The following RBMS3 variants were observed in gnomAD, a reference collection of about 807,000 sequenced individuals.
RBMS3 encodes RNA-binding motif, single-stranded-interacting protein 3.
Under a neutral mutation model 66.8 loss-of-function variants are expected in RBMS3, and 27 were observed. That is an observed-to-expected ratio of 0.40 (90% CI 0.30 to 0.56). The LOEUF (loss-of-function observed/expected upper bound fraction) is 0.56, where lower values mean the gene tolerates loss of function less well. Ranked by LOEUF, RBMS3 falls within the 20% of genes least tolerant of loss-of-function variation. The probability of loss-of-function intolerance (pLI) is 0.40; values close to 1 mark genes in which losing one functional copy is unlikely to be tolerated. For missense variants in RBMS3, 513 were observed against 549.5 expected (o/e 0.93, Z 0.66); for synonymous variants, 188 against 183.0 (o/e 1.03, Z -0.22).
At chr3:29,589,047 T>C (rs1263939722) in intron 4 of RBMS3, among the ~76,000 whole-genome samples, 2 of 152,122 alleles carry the variant, frequency 1.3e-5, no homozygotes, top group Non-Finnish European at 2.9e-5. Flanking sequence ...ATCTCCACCA[T>C]TTCAAATGTC....
intron 1 of RBMS3, among the ~76,000 whole-genome samples, chr3:29,399,467 GC>G (rs66482373): frequency 0.17 from 26,229 of 152,136 alleles, 2,771 homozygotes; most frequent in Non-Finnish European, 0.24. Context: ...AGGTTTATTT[GC>G]CTTTTAGAAA....
chr3:29,980,081 T>G (rs1260439367), intron 12 of RBMS3, among the ~76,000 whole-genome samples: 1 of 152,194 alleles, frequency 6.6e-6, no homozygotes, highest in Non-Finnish European at 1.5e-5. Context: ...TTTCTCCACA[T>G]CCTCTCTAGC....
intron 1 of RBMS3, among the ~76,000 whole-genome samples, chr3:29,358,672 C>T (rs1035468731): frequency 6.6e-6 from 1 of 152,158 alleles, no homozygotes; most frequent in African/African-American, 2.4e-5. Context: ...TTCTTCCTAT[C>T]CATGAACATG....
chr3:29,924,365 A>T (rs2060874135), intron 10 of RBMS3, among the ~76,000 whole-genome samples: 1 of 152,174 alleles, frequency 6.6e-6, no homozygotes, highest in Non-Finnish European at 1.5e-5. Flanking sequence ...TGTTTTTAGA[A>T]GGGTTTTCTT....
chr3:29,411,252 A>G (rs2040254269), intron 1 of RBMS3, among the ~76,000 whole-genome samples: 1 of 152,214 alleles, frequency 6.6e-6, no homozygotes, highest in African/African-American at 2.4e-5. Flanking sequence ...CATAAAAGTA[A>G]TGGTAATCTC....
intron 4 of RBMS3, among the ~76,000 whole-genome samples, chr3:29,722,326 A>T (rs537835632): frequency 6.6e-6 from 1 of 152,148 alleles, no homozygotes; most frequent in East Asian, 1.9e-4. Context: ...CTATTAATAT[A>T]TACATATTAT....
At position 29,524,415 on chromosome 3, in the gene RBMS3, A is replaced by ATTTTTTTT. The variant is rs1222102515; in HGVS notation, c.307+35938_307+35945dup. On this transcript the variant is annotated intron_variant, in intron 3 of 14. Coordinates refer to ENST00000383767, the MANE Select transcript of RBMS3 (RefSeq NM_001003793.3). ...GGAAGATATGAGTGACTCCCTTTAC[A>ATTTTTTTT]TTTTTTTTTTTTTTTTTTTTTTTTT... is the stretch of plus-strand genomic sequence containing the variant. 2.8e-4 allele frequency among the ~76,000 whole-genome samples: 16 copies of ATTTTTTTT among 57,110 alleles called. 1 individual carries two copies. Among genetic ancestry groups the ATTTTTTTT allele is most frequent in the Admixed American group, 7.7e-4 (3 of 3,874 alleles). The allele number at this position is 57,110 out of a possible 152,430, so 37.5% of individuals were successfully genotyped here. A position where few individuals can be genotyped will look rare whatever the true frequency, so the allele number is the denominator to read the frequency against.
intron 6 of RBMS3, among the ~76,000 whole-genome samples, chr3:29,782,052 C>T (rs2056650091): frequency 6.6e-6 from 1 of 152,092 alleles, no homozygotes; most frequent in African/African-American, 2.4e-5. Context: ...TTTCTCTACC[C>T]ACCCTCGGAG....
chr3:29,468,199 C>T (rs1264981417), intron 2 of RBMS3, among the ~76,000 whole-genome samples: 2 of 152,070 alleles, frequency 1.3e-5, no homozygotes, highest in Non-Finnish European at 2.9e-5. Context: ...TAGGAGTCTA[C>T]CGGCACTCTA....
intron 1 of RBMS3, among the ~76,000 whole-genome samples, chr3:29,331,843 G>A (rs879910212): frequency 3.3e-5 from 2 of 59,968 alleles, no homozygotes; most frequent in Non-Finnish European, 6.7e-5. Context: ...TTTTTTTTCC[G>A]TTTGCTTTTC....
At chr3:29,734,815 G>T (rs184998248) in intron 4 of RBMS3, among the ~76,000 whole-genome samples, 1 of 152,106 alleles carries the variant, frequency 6.6e-6, no homozygotes, top group African/African-American at 2.4e-5. Context: ...ATGATGAAAA[G>T]TTGGACTTGC....
chr3:29,303,479 A>G (rs544049561), intron 1 of RBMS3, among the ~76,000 whole-genome samples: 1 of 152,004 alleles, frequency 6.6e-6, no homozygotes, highest in Non-Finnish European at 1.5e-5. Context: ...TGAGAGTCAC[A>G]TATCTGCATT....
At chr3:29,684,655 C>T (rs2051636294) in intron 4 of RBMS3, among the ~76,000 whole-genome samples, 1 of 152,008 alleles carries the variant, frequency 6.6e-6, no homozygotes, top group Non-Finnish European at 1.5e-5. Flanking sequence ...TATAATTTTA[C>T]TTTTCACATA....
chr3:29,931,805 C>G (rs1423298193), intron 10 of RBMS3, among the ~76,000 whole-genome samples: 1 of 152,074 alleles, frequency 6.6e-6, no homozygotes, highest in Non-Finnish European at 1.5e-5. Context: ...ATCTCTGTTG[C>G]TATTAGGTAT....
intron 10 of RBMS3, among the ~76,000 whole-genome samples, chr3:29,919,545 A>G (rs1423479351): frequency 1.3e-5 from 2 of 152,138 alleles, no homozygotes; most frequent in East Asian, 1.9e-4. Context: ...CCCAGTTTCA[A>G]TTTTTGTCAG....
intron 3 of RBMS3, among the ~76,000 whole-genome samples, chr3:29,565,336 GTT>G (rs1321535005): frequency 1.3e-5 from 2 of 152,122 alleles, no homozygotes; most frequent in African/African-American, 4.8e-5. Context: ...TTGTGACACT[GTT>G]TGTGAATTTT....
At chr3:29,469,611 A>G (rs2042651953) in intron 2 of RBMS3, among the ~76,000 whole-genome samples, 2 of 151,914 alleles carry the variant, frequency 1.3e-5, no homozygotes, top group Non-Finnish European at 2.9e-5. Context: ...TTGTAGTAAA[A>G]TATGTAAGCT....
At chr3:29,864,534 G>C (rs138758490) in intron 6 of RBMS3, among the ~76,000 whole-genome samples, 1 of 151,990 alleles carries the variant, frequency 6.6e-6, no homozygotes, top group Non-Finnish European at 1.5e-5. Flanking sequence ...GTATGTTGAC[G>C]AAGCCTCTAT....
chr3:29,878,531 C>A (rs577772485), intron 7 of RBMS3, among the ~76,000 whole-genome samples: 1 of 152,000 alleles, frequency 6.6e-6, no homozygotes, highest in Non-Finnish European at 1.5e-5. Context: ...CTGGTTGTAG[C>A]AATCCCATTC....
Sources: gnomAD v4.1 joint callset for allele counts (sites outside exome capture counted in the v4.1 genomes callset) on GRCh38, gnomAD v4.1.1 for gene constraint, MANE v1.5 for transcripts, NCBI Gene and HGNC (gene_info 2026-07-23, HGNC 2026-07-21) for gene names.